The following DUSP16 variants were observed in gnomAD, a reference collection of about 807,000 sequenced individuals.
DUSP16 encodes the protein dual specificity protein phosphatase 16.
A neutral mutation model predicts 58.3 loss-of-function variants in DUSP16; 21 were observed. The observed-to-expected ratio is 0.36, with a 90% CI of 0.26 to 0.52. The LOEUF is 0.52. Ranked by LOEUF, DUSP16 falls within the 20% of genes least tolerant of loss-of-function variation. DUSP16 has a pLI of 0.94. For missense variants in DUSP16, 726 were observed against 819.0 expected, an observed-to-expected ratio of 0.89 and a Z score of 1.39; for synonymous variants, 320 against 323.8, an observed-to-expected ratio of 0.99 and a Z score of 0.12.
intron 6 of DUSP16, among the ~76,000 whole-genome samples, chr12:12,479,278 G>GAAA (rs35668961): frequency 1.3e-5 from 2 of 150,034 alleles, no homozygotes; most frequent in Non-Finnish European, 3.0e-5. Flanking sequence ...AAGGAACAAG[G>GAAA]AAAAAAAAAA....
chr12:12,502,638 G>A (rs1201372457), intron 3 of DUSP16, among the ~76,000 whole-genome samples: 4 of 147,076 alleles, frequency 2.7e-5, no homozygotes, highest in South Asian at 2.1e-4. Flanking sequence ...TGCAATCTCC[G>A]CCTCCCGAGT....
intron 4 of DUSP16, among the ~76,000 whole-genome samples, chr12:12,496,880 G>A (rs955853480): frequency 6.6e-6 from 1 of 152,186 alleles, no homozygotes; most frequent in African/African-American, 2.4e-5. Flanking sequence ...GAAAATAAAA[G>A]TATGTTTTTG....
At chr12:12,510,593 A>C (rs1944062929) in intron 3 of DUSP16, among the ~76,000 whole-genome samples, 1 of 152,256 alleles carries the variant, frequency 6.6e-6, no homozygotes, top group Admixed American at 6.5e-5. Context: ...AAAAACACTT[A>C]ATAGCACCTA....
At chr12:12,557,358 G>C (rs1944821410) in intron 1 of DUSP16, among the ~76,000 whole-genome samples, 1 of 151,710 alleles carries the variant, frequency 6.6e-6, no homozygotes, top group Non-Finnish European at 1.5e-5. Flanking sequence ...TCGGGAGGCT[G>C]AGGAAGGGGA....
intron 1 of DUSP16, among the ~76,000 whole-genome samples, chr12:12,555,583 CCATTA>C (rs752595615): frequency 6.6e-6 from 1 of 152,076 alleles, no homozygotes; most frequent in African/African-American, 2.4e-5. Context: ...TCTTGCCATA[CCATTA>C]CATCTTTTTT....
At chr12:12,528,725 G>A (rs1944339774) in intron 1 of DUSP16, among the ~76,000 whole-genome samples, 1 of 152,140 alleles carries the variant, frequency 6.6e-6, no homozygotes, top group Admixed American at 6.5e-5. Flanking sequence ...AATTAACAAG[G>A]CAAAAATTAC....
intron 4 of DUSP16, among the ~76,000 whole-genome samples, chr12:12,496,519 A>G (rs1375752747): frequency 6.6e-6 from 1 of 152,258 alleles, no homozygotes; most frequent in Non-Finnish European, 1.5e-5. Flanking sequence ...GAGAAGGAGC[A>G]GGCAGCAGAG....
At chr12:12,526,556 C>T (rs774977110) in intron 1 of DUSP16, among the ~76,000 whole-genome samples, 3 of 152,198 alleles carry the variant, frequency 2.0e-5, no homozygotes, top group Non-Finnish European at 1.5e-5. Flanking sequence ...TGTATAAAAC[C>T]AGTATTTGCC....
intron 1 of DUSP16, among the ~76,000 whole-genome samples, chr12:12,540,268 G>A (rs554469353): frequency 6.8e-4 from 103 of 151,988 alleles, no homozygotes; most frequent in African/African-American, 2.4e-3. Flanking sequence ...GGAGATAGAG[G>A]TTGCAGTGAG....
chr12:12,506,320 G>T (rs549792592), intron 3 of DUSP16: 1 of 152,272 alleles, frequency 6.6e-6, no homozygotes, highest in Admixed American at 6.5e-5. Context: ...AATGGCTAAC[G>T]GAGACAAAGA....
intron 4 of DUSP16, among the ~76,000 whole-genome samples, chr12:12,490,926 C>T (rs1943752443): frequency 6.6e-6 from 1 of 152,174 alleles, no homozygotes; most frequent in Non-Finnish European, 1.5e-5. Context: ...AATTAACATA[C>T]ATAATTATAA....
At chr12:12,543,991 G>A (rs1171825909) in intron 1 of DUSP16, among the ~76,000 whole-genome samples, 2 of 151,694 alleles carry the variant, frequency 1.3e-5, no homozygotes, top group East Asian at 1.9e-4. Context: ...AATAAATTTC[G>A]TAAAAACTCA....
At chr12:12,511,180 A>C (rs1944074063) in intron 3 of DUSP16, among the ~76,000 whole-genome samples, 1 of 152,198 alleles carries the variant, frequency 6.6e-6, no homozygotes, top group Non-Finnish European at 1.5e-5. Flanking sequence ...ATGTGAACAG[A>C]TCAGTTAAGA....
chr12:12,496,207 T>C (rs1260411659), intron 4 of DUSP16, among the ~76,000 whole-genome samples: 1 of 152,234 alleles, frequency 6.6e-6, no homozygotes, highest in African/African-American at 2.4e-5. Context: ...GAACACTGTA[T>C]GGTGTTCTAC....
At chr12:12,490,739 C>T (rs1482553306) in intron 4 of DUSP16, among the ~76,000 whole-genome samples, 1 of 152,114 alleles carries the variant, frequency 6.6e-6, no homozygotes, top group Non-Finnish European at 1.5e-5. Context: ...ACTATCAGTG[C>T]CAAAGCCTTC....
intron 4 of DUSP16, chr12:12,491,576 C>T (rs747187051): frequency 6.6e-6 from 1 of 152,178 alleles, no homozygotes; most frequent in Non-Finnish European, 1.5e-5. Flanking sequence ...ACATCATAAT[C>T]TTTAAGCTTC....
At chr12:12,535,611 G>C (rs1461502613) in intron 1 of DUSP16, among the ~76,000 whole-genome samples, 2 of 152,092 alleles carry the variant, frequency 1.3e-5, no homozygotes, top group Non-Finnish European at 2.9e-5. Context: ...GTTAAATTAG[G>C]TTTCTAACCC....
At chr12:12,520,050 TCA>T (rs1475724730) in intron 2 of DUSP16, 50 bp from the exon 3 acceptor site, 1 of 1,598,420 alleles carries the variant, frequency 6.3e-7, no homozygotes, top group Non-Finnish European at 8.6e-7. Context: ...AAAAGTAATC[TCA>T]AACTACTGCT....
chr12:12,559,652 T>C (rs191991801), intron 1 of DUSP16, among the ~76,000 whole-genome samples: 24 of 152,322 alleles, frequency 1.6e-4, no homozygotes, highest in Admixed American at 1.4e-3. Context: ...TTTTTAGGAT[T>C]AGCTGAAAAT....
Sources: gnomAD v4.1 joint callset for allele counts (sites outside exome capture counted in the v4.1 genomes callset) on GRCh38, gnomAD v4.1.1 for gene constraint, MANE v1.5 for transcripts, NCBI Gene and HGNC (gene_info 2026-07-23, HGNC 2026-07-21) for gene names.